The following GPC5 variants were observed in gnomAD, a reference collection of about 807,000 sequenced individuals.
GPC5 encodes the protein glypican 5.
Under a neutral mutation model 53.9 loss-of-function variants are expected in GPC5, and 47 were observed. The ratio of observed to expected loss-of-function variants is 0.87; its 90% confidence interval spans 0.69 to 1.11. The LOEUF (loss-of-function observed/expected upper bound fraction) is 1.11. Among genes scored for constraint, GPC5 ranks in the 50% most tolerant of loss-of-function variants. The pLI is 0.00. For missense variants in GPC5, 748 were observed against 713.1 expected, an observed-to-expected ratio of 1.05 and a Z score of -0.56; for synonymous variants, 286 against 263.3, an observed-to-expected ratio of 1.09 and a Z score of -0.84.
Position 91,416,255 on chromosome 13 carries a change from C to G in GPC5, c.163+17046C>G, listed in dbSNP as rs1288218316. On this transcript the variant is annotated intron_variant, in intron 1 of 7. Coordinates refer to ENST00000377067, the MANE Select transcript of GPC5 (RefSeq NM_004466.6). ...TTTTAAGAACCCTCATTAAGTTGAC[C>G]TCAAAAAGAATAACTAGCAAAACGC... Among the ~76,000 whole-genome samples the G allele has an allele frequency of 3.3e-5, 5 of 152,160 alleles. No individual in the cohort carries two copies. In the South Asian group the frequency reaches 1.0e-3, roughly 32 times the overall value.
intron 5 of GPC5, among the ~76,000 whole-genome samples, chr13:91,796,786 A>G (rs2038053582): frequency 6.6e-6 from 1 of 152,034 alleles, no homozygotes. Context: ...GCTCTTGTTC[A>G]ATATTTATTG....
At chr13:91,556,537 T>A (rs1343404900) in intron 2 of GPC5, among the ~76,000 whole-genome samples, 4 of 150,648 alleles carry the variant, frequency 2.7e-5, no homozygotes, top group South Asian at 4.2e-4. Flanking sequence ...TATATATATA[T>A]AAAATGTGTG....
chr13:92,675,585 T>G (rs1886910721), intron 7 of GPC5, among the ~76,000 whole-genome samples: 1 of 152,090 alleles, frequency 6.6e-6, no homozygotes, highest in African/African-American at 2.4e-5. Context: ...CCCTCCTTTT[T>G]TTTTTAACTA....
chr13:91,700,115 TC>T (rs1431440046), intron 3 of GPC5, among the ~76,000 whole-genome samples: 4 of 152,144 alleles, frequency 2.6e-5, no homozygotes, highest in African/African-American at 9.7e-5. Flanking sequence ...TCTGAATCCT[TC>T]TTATTTTGGA....
chr13:91,662,204 A>G (rs1349766064), intron 2 of GPC5, among the ~76,000 whole-genome samples: 1 of 152,224 alleles, frequency 6.6e-6, no homozygotes, highest in Admixed American at 6.5e-5. Flanking sequence ...TGAGAAAAAC[A>G]TGACCAGTAA....
intron 2 of GPC5, among the ~76,000 whole-genome samples, chr13:91,642,408 G>A (rs1477601560): frequency 6.6e-6 from 1 of 152,160 alleles, no homozygotes; most frequent in Non-Finnish European, 1.5e-5. Context: ...TGGGATCCAA[G>A]GGAAGAAAAG....
At chr13:91,912,110 G>A (rs2039615470) in intron 6 of GPC5, among the ~76,000 whole-genome samples, 2 of 152,126 alleles carry the variant, frequency 1.3e-5, no homozygotes, top group Non-Finnish European at 2.9e-5. Context: ...AATGGAGACT[G>A]TAAGACAATG....
intron 7 of GPC5, among the ~76,000 whole-genome samples, chr13:92,765,502 C>T (rs888507930): frequency 2.6e-5 from 4 of 152,156 alleles, no homozygotes; most frequent in African/African-American, 7.2e-5. Context: ...AAATATAATT[C>T]TGATACCTTA....
At chr13:92,179,281 G>T (rs559554444) in intron 7 of GPC5, among the ~76,000 whole-genome samples, 1 of 152,184 alleles carries the variant, frequency 6.6e-6, no homozygotes, top group Admixed American at 6.5e-5. Flanking sequence ...TAATATCCTG[G>T]TTTATAATCT....
intron 2 of GPC5, among the ~76,000 whole-genome samples, chr13:91,636,955 AAAAC>A (rs200548113): frequency 0.013 from 1,981 of 152,272 alleles, 45 homozygotes; most frequent in African/African-American, 0.045. Context: ...TCTTGTCTCT[AAAAC>A]AAACAAACGA....
At chr13:92,754,114 G>T (rs1413023114) in intron 7 of GPC5, among the ~76,000 whole-genome samples, 1 of 152,200 alleles carries the variant, frequency 6.6e-6, no homozygotes, top group Non-Finnish European at 1.5e-5. Context: ...AAGCCCGTCA[G>T]ACTAACAGCG....
intron 7 of GPC5, among the ~76,000 whole-genome samples, chr13:92,183,026 T>C (rs963720336): frequency 6.6e-6 from 1 of 152,230 alleles, no homozygotes; most frequent in Admixed American, 6.5e-5. Flanking sequence ...GTTTGTTTTA[T>C]GATATATACT....
intron 7 of GPC5, among the ~76,000 whole-genome samples, chr13:92,463,181 C>G (rs1878562744): frequency 1.3e-5 from 2 of 152,098 alleles, no homozygotes; most frequent in Non-Finnish European, 2.9e-5. Flanking sequence ...AGATTTGGAC[C>G]ATTGATTAAA....
rs76414556 is a variant in GPC5 at position 91,795,687 on chromosome 13, A to G, written c.1280+39267A>G. Among the ~76,000 whole-genome samples the G allele has an allele frequency of 3.9e-4, 59 of 152,138 alleles. 1 individual carries two copies. In the East Asian group the frequency reaches 0.011, roughly 29 times the overall value. On this transcript the variant is annotated intron_variant, in intron 5 of 7. Coordinates refer to ENST00000377067, the MANE Select transcript of GPC5 (RefSeq NM_004466.6). ...CTACCATGGGTCATAGCTTGCGAGT[A>G]TACTTGGTGAATGAGGTGCTAACCC... is the stretch of plus-strand genomic sequence containing the variant.
intron 7 of GPC5, among the ~76,000 whole-genome samples, chr13:92,172,787 G>C (rs2042079883): frequency 6.6e-6 from 1 of 151,998 alleles, no homozygotes; most frequent in Non-Finnish European, 1.5e-5. Flanking sequence ...AACTGGAAAT[G>C]TGCAACATGA....
intron 6 of GPC5, among the ~76,000 whole-genome samples, chr13:92,053,788 G>A (rs992796734): frequency 6.6e-6 from 1 of 151,914 alleles, no homozygotes; most frequent in Admixed American, 6.6e-5. Flanking sequence ...CCAGCACTTT[G>A]GGAGGCCGAG....
At chr13:92,588,049 A>G (rs1433894379) in intron 7 of GPC5, among the ~76,000 whole-genome samples, 5 of 151,888 alleles carry the variant, frequency 3.3e-5, no homozygotes, top group Non-Finnish European at 7.4e-5. Context: ...TGCATTAGGT[A>G]TTTGTCCTAA....
intron 7 of GPC5, among the ~76,000 whole-genome samples, chr13:92,334,545 C>T (rs1183551834): frequency 1.3e-5 from 2 of 152,152 alleles, no homozygotes; most frequent in African/African-American, 4.8e-5. Flanking sequence ...GCCCTCCCAA[C>T]AGTCCCTCAG....
chr13:91,673,305 C>A (rs566214923), intron 2 of GPC5, among the ~76,000 whole-genome samples: 2 of 152,152 alleles, frequency 1.3e-5, no homozygotes, highest in South Asian at 4.1e-4. Context: ...GAATCTGTAA[C>A]CTGTCCCCTC....
Sources: allele counts gnomAD v4.1 joint callset (sites outside exome capture counted in the v4.1 genomes callset), GRCh38; gene constraint gnomAD v4.1.1; transcripts MANE v1.5; gene names NCBI Gene and HGNC (gene_info 2026-07-23, HGNC 2026-07-21).